The following SERAC1 variants were observed in gnomAD, a reference collection of about 807,000 sequenced individuals.
The protein encoded by SERAC1 is protein SERAC1.
In SERAC1, 36 loss-of-function variants were observed where a neutral mutation model predicts 85.7. That is an observed-to-expected ratio of 0.42 (90% CI 0.32 to 0.55). SERAC1 has a LOEUF of 0.55. Ranked by LOEUF, SERAC1 falls within the 20% of genes least tolerant of loss-of-function variation. The pLI is 0.11. For synonymous variants in SERAC1, 242 were observed against 265.3 expected (o/e 0.91, Z 0.85); for missense variants, 629 against 796.2 (o/e 0.79, Z 2.53).
intron 1 of SERAC1, among the ~76,000 whole-genome samples, chr6:158,162,449 T>C (rs1257341845): frequency 1.4e-4 from 22 of 152,328 alleles, no homozygotes; most frequent in South Asian, 8.3e-4. Flanking sequence ...TGGGTATGGG[T>C]TTGTTTTTAT....
chr6:158,118,981 A>C (rs1784357503), intron 12 of SERAC1, 48 bp downstream of exon 12: 1 of 1,569,394 alleles, frequency 6.4e-7, no homozygotes. Context: ...TCAGGGCCCC[A>C]GCAACCAGGG....
chr6:158,120,479 A>C lies in SERAC1; in HGVS notation c.1112T>G (p.Val371Gly). Residue 371 changes from valine (V) to glycine (G), a missense_variant, in exon 11 of 17, where the codon GTG becomes GGG. Transcript: ENST00000647468. The surrounding 1 kb of genome is among the most constrained non-coding windows in gnomAD (Gnocchi z 4.4). ...TACGCCATCCTGATATTTTTCTTGC[A>C]CAGTTTCTCGGTCTAGATTTGCCAG... The part of the protein sequence containing the change: ...RILANLDRET[V>G]QEKYQDGVYV... The C allele has an allele frequency of 1.2e-6, 2 of 1,613,870 alleles. No homozygotes were observed. The highest frequency in any genetic ancestry group is 1.7e-6 in the Non-Finnish European group (2 of 1,179,940).
intron 2 of SERAC1, among the ~76,000 whole-genome samples, chr6:158,155,661 A>G (rs1490022287): frequency 6.6e-6 from 1 of 152,196 alleles, no homozygotes; most frequent in Non-Finnish European, 1.5e-5. Context: ...TGCAACATGC[A>G]GGCAGCTCAC....
At chr6:158,134,457 A>G (rs1784747965) in intron 8 of SERAC1, among the ~76,000 whole-genome samples, 1 of 152,216 alleles carries the variant, frequency 6.6e-6, no homozygotes. Context: ...AAAATAATGA[A>G]TGAAACCATT....
At chr6:158,166,706 T>C (rs1473919111) in intron 1 of SERAC1, among the ~76,000 whole-genome samples, 3 of 152,212 alleles carry the variant, frequency 2.0e-5, no homozygotes, top group Admixed American at 6.5e-5. Context: ...TACACAGCTT[T>C]AGGTTCATCT....
chr6:158,130,157 A>C (rs1784642032), intron 9 of SERAC1, among the ~76,000 whole-genome samples: 1 of 152,232 alleles, frequency 6.6e-6, no homozygotes, highest in African/African-American at 2.4e-5. Flanking sequence ...CAATTAAATA[A>C]ATTTTTAGAA....
Position 158,117,488 on chromosome 6 carries a change from A to T in SERAC1, c.1403+239T>A. 1 of 1,545,986 alleles carries T rather than the reference A, an allele frequency of 6.5e-7. No individual in the cohort carries two copies. The highest frequency in any genetic ancestry group is 1.4e-5 in the African/African-American group (1 of 72,926). On this transcript the variant is annotated intron_variant, in intron 13 of 16. Coordinates refer to ENST00000647468, the MANE Select transcript of SERAC1 (RefSeq NM_032861.4). The surrounding 1 kb of genome is among the most constrained non-coding windows in gnomAD (Gnocchi z 4.3). ...ATCCACGATCCTTCACTATTAGAAC[A>T]GTTGTAAATAAACCATGTTAGGAGC...
At chr6:158,150,062 T>A (rs1333121618) in intron 4 of SERAC1, among the ~76,000 whole-genome samples, 1 of 152,240 alleles carries the variant, frequency 6.6e-6, no homozygotes, top group East Asian at 1.9e-4. Context: ...TTCATATTTA[T>A]GAATATATCT....
intron 1 of SERAC1, among the ~76,000 whole-genome samples, chr6:158,164,277 C>G (rs1349916882): frequency 6.6e-6 from 1 of 151,772 alleles, no homozygotes; most frequent in African/African-American, 2.4e-5. Context: ...AGATCGAGAC[C>G]AGCCTGGATA....
chr6:158,147,395 T>C (rs1055675057), intron 5 of SERAC1, among the ~76,000 whole-genome samples: 5 of 151,982 alleles, frequency 3.3e-5, no homozygotes, highest in Admixed American at 3.3e-4. Flanking sequence ...GTGTCTTTCA[T>C]ATGTGGTCAT....
intron 1 of SERAC1, among the ~76,000 whole-genome samples, chr6:158,162,791 A>C (rs964153408): frequency 6.6e-6 from 1 of 152,022 alleles, no homozygotes; most frequent in Admixed American, 6.6e-5. Context: ...TCACTTTCAT[A>C]CTTGCCTGCT....
intron 5 of SERAC1, 137 bp downstream of exon 5, chr6:158,148,728 C>T: frequency 1.7e-6 from 1 of 596,566 alleles, no homozygotes; most frequent in South Asian, 2.9e-5. Context: ...CAAGCGTGAG[C>T]CACCATACCT....
At position 158,164,691 on chromosome 6, in the gene SERAC1, G is replaced by A. The variant is rs191462941; in HGVS notation, c.-2+3449C>T. On this transcript the variant is annotated intron_variant, in intron 1 of 16. Coordinates refer to ENST00000647468, the MANE Select transcript of SERAC1 (RefSeq NM_032861.4). ...TATCAGTAGCTTCATTGCCCTGGTGGAGGAAGCCAGAGTGAAACATCATTT... is the reference window on the plus strand; with the variant it reads ...TATCAGTAGCTTCATTGCCCTGGTGAAGGAAGCCAGAGTGAAACATCATTT... 1.9e-3 allele frequency among the ~76,000 whole-genome samples: 282 copies of A among 152,240 alleles called. 1 individual carries two copies. Among genetic ancestry groups the A allele is most frequent in the Middle Eastern group, 0.014 (4 of 294 alleles).
In SERAC1 at chr6:158,116,386, C is replaced by T. The variant is rs1784290630; in HGVS notation, c.1404-104G>A. ...ACTTTAGTCTACAGGACCAATGCTA[C>T]ATACTACATTTAGAGTAAGAAATAC... On this transcript the variant is annotated intron_variant, in intron 13 of 16. Transcript: ENST00000647468. 3.8e-6 allele frequency: 3 copies of T among 782,678 alleles called. No homozygotes were observed. The Admixed American group carries it at 6.0e-5, about 16-fold the overall frequency. 48.5% of individuals were successfully genotyped at this position (782,678 alleles called of 1,614,324 possible).
intron 3 of SERAC1, among the ~76,000 whole-genome samples, chr6:158,150,869 G>A (rs989955792): frequency 5.3e-5 from 8 of 152,198 alleles, no homozygotes; most frequent in African/African-American, 1.7e-4. Context: ...CATTACTCAC[G>A]TTTGTGGTGA....
chr6:158,150,568 A>G lies in SERAC1; in HGVS notation c.150T>C (p.Tyr50=). ...CAGCCTTCTTCAGGGCCAGAACTTC[A>G]TATGTAAGAAATAAAGAACCTCTTA... ...LILGGSLFLT[Y]EVLALKKAVT... is the part of the protein sequence containing the mutation. Residue 50 remains tyrosine, a synonymous_variant, in exon 4 of 17, where the codon TAT becomes TAC. Coordinates refer to ENST00000647468, the MANE Select transcript of SERAC1 (RefSeq NM_032861.4). 6.3e-7 allele frequency: 1 copy of G among 1,596,982 alleles called. No individual in the cohort carries two copies. Among genetic ancestry groups the G allele is most frequent in the South Asian group, 1.1e-5 (1 of 90,364 alleles).
rs1035076673 is a variant in SERAC1 at position 158,119,197 on chromosome 6, A to C, written c.1167-27T>G. The C allele has an allele frequency of 2.5e-6, 4 of 1,587,338 alleles. No homozygotes were observed. Among genetic ancestry groups the C allele is most frequent in the Non-Finnish European group, 2.6e-6 (3 of 1,164,730 alleles). ...TAATAGGGGAGAGAGTTTTAAAAAGAAGCAGAATAAATGCATTACTGCTTT... is the reference window on the plus strand; with the variant it reads ...TAATAGGGGAGAGAGTTTTAAAAAGCAGCAGAATAAATGCATTACTGCTTT... On this transcript the variant is annotated intron_variant, in intron 11 of 16. Transcript: ENST00000647468. This position sits in a 1 kb window ranked among gnomAD's most constrained non-coding sequence, Gnocchi z 4.5.
At chr6:158,156,763 T>C (rs1785344155) in intron 2 of SERAC1, among the ~76,000 whole-genome samples, 1 of 140,616 alleles carries the variant, frequency 7.1e-6, no homozygotes, top group Non-Finnish European at 1.5e-5. Context: ...TATATAAATA[T>C]ATTTTATATA....
In SERAC1 at chr6:158,128,165, G is replaced by T. The variant is rs576130525; in HGVS notation, c.958C>A (p.Arg320Ser). 3 of 1,614,006 alleles carry T rather than the reference G, an allele frequency of 1.9e-6. No individual in the cohort carries two copies. Among genetic ancestry groups the T allele is most frequent in the Non-Finnish European group, 2.5e-6 (3 of 1,179,930 alleles). The change falls in exon 10 of 17, where the codon CGT becomes AGT. Residue 320 changes from arginine (R) to serine (S), a missense_variant. Physicochemically the swap from Arg to Ser is moderately radical, Grantham distance 110. Coordinates refer to ENST00000647468, the MANE Select transcript of SERAC1 (RefSeq NM_032861.4). ...TTCAAAGCCATATTTCCAATGACAC[G>T]CATTATATTTCTCTGTACTTTAGGG... is the stretch of plus-strand genomic sequence containing the variant. ...DCPKVQRNIM[R>S]VIGNMALNEH...
Sources: allele counts gnomAD v4.1 joint callset (sites outside exome capture counted in the v4.1 genomes callset), GRCh38; gene constraint gnomAD v4.1.1; non-coding constraint Gnocchi (gnomAD v3.1); transcripts MANE v1.5; gene names NCBI Gene and HGNC (gene_info 2026-07-23, HGNC 2026-07-21).